The following CD38 variants were observed in gnomAD, a reference collection of about 807,000 sequenced individuals.
CD38 encodes CD38 molecule.
A neutral mutation model predicts 36.3 loss-of-function variants in CD38; 31 were observed. The observed-to-expected ratio is 0.85, with a 90% confidence interval of 0.64 to 1.15. CD38 has a LOEUF of 1.15. Among genes scored for constraint, CD38 ranks in the 50% most tolerant of loss-of-function variants. The probability of loss-of-function intolerance (pLI) is 0.00; values close to 1 mark genes in which losing one functional copy is unlikely to be tolerated. For missense variants in CD38, 380 were observed against 371.9 expected (o/e 1.02, Z -0.18); for synonymous variants, 131 against 135.2 (o/e 0.97, Z 0.22).
intron 2 of CD38, among the ~76,000 whole-genome samples, chr4:15,824,026 A>T (rs1344996743): frequency 1.3e-5 from 2 of 152,226 alleles, no homozygotes; most frequent in Non-Finnish European, 2.9e-5. Flanking sequence ...GCCAGAAGCC[A>T]CATCTTCAGC....
chr4:15,847,675 G>A (rs918932105), intron 7 of CD38, among the ~76,000 whole-genome samples: 1 of 139,542 alleles, frequency 7.2e-6, no homozygotes, highest in African/African-American at 2.8e-5. Context: ...TATGTTGCAT[G>A]GAGAAAATAG....
chr4:15,819,114 C>T (rs1405719176), intron 2 of CD38, among the ~76,000 whole-genome samples: 2 of 111,826 alleles, frequency 1.8e-5, no homozygotes, highest in Non-Finnish European at 4.8e-5. Context: ...CATGTTCTCA[C>T]TCATAAGTGG....
At position 15,852,210 on chromosome 4, in the gene CD38, T is replaced by G. The variant is rs1724402609; in HGVS notation, c.*3608T>G. 6.6e-6 allele frequency: 1 copy of G among 152,260 alleles called. No individual in the cohort carries two copies. 9.4% of individuals were successfully genotyped at this position (152,260 alleles called of 1,614,324 possible). A position where few individuals can be genotyped will look rare whatever the true frequency, so the allele number is the denominator to read the frequency against. On this transcript the variant is annotated 3_prime_UTR_variant, in exon 8 of 8. Transcript: ENST00000226279. ...TTTAGTGCCATGTCCACGTCTCTCA[T>G]GTAACTGGCAGAGCTATCAAATATT...
At chr4:15,805,547 T>C (rs542167427) in intron 1 of CD38, among the ~76,000 whole-genome samples, 2 of 152,346 alleles carry the variant, frequency 1.3e-5, no homozygotes, top group South Asian at 4.1e-4. Flanking sequence ...GTTTATTGTT[T>C]ATTGTCCGTC....
rs191923715 is a variant in CD38 at position 15,833,582 on chromosome 4, T to C, written c.500-635T>C. Among the ~76,000 whole-genome samples the C allele has an allele frequency of 4.7e-4, 72 of 152,252 alleles. 1 individual carries two copies. The East Asian group carries it at 0.01, about 22-fold the overall frequency. On this transcript the variant is annotated intron_variant, in intron 3 of 7. Transcript: ENST00000226279. Reference sequence around the variant, plus strand: ...CAAGACTCCTAGAATTACTATATCATGTGCTCTCTGAAGGCAAAGTTCCCA... The same window carrying C: ...CAAGACTCCTAGAATTACTATATCACGTGCTCTCTGAAGGCAAAGTTCCCA...
chr4:15,778,704 C>T lies in CD38; in HGVS notation c.233+57C>T. 1 of 1,246,240 alleles carries T rather than the reference C, an allele frequency of 8.0e-7. No homozygotes were observed. Among genetic ancestry groups the T allele is most frequent in the Non-Finnish European group, 1.2e-6 (1 of 867,710 alleles). The allele number at this position is 1,246,240 out of a possible 1,614,324, so 77.2% of individuals were successfully genotyped here. ...ACTGCGGGGACAGCAGGGCCCCGCGCGCAGGGAAGCCGCCCGGATCGCCCG... is the reference window on the plus strand; with the variant it reads ...ACTGCGGGGACAGCAGGGCCCCGCGTGCAGGGAAGCCGCCCGGATCGCCCG... On this transcript the variant is annotated intron_variant, in intron 1 of 7. Coordinates refer to ENST00000226279, the MANE Select transcript of CD38 (RefSeq NM_001775.4). The surrounding 1 kb of genome is among the most constrained non-coding windows in gnomAD (Gnocchi z 4.9).
At chr4:15,826,468 C>CAA (rs1263275892) in intron 3 of CD38, among the ~76,000 whole-genome samples, 1 of 150,892 alleles carries the variant, frequency 6.6e-6, no homozygotes, top group Non-Finnish European at 1.5e-5. Context: ...CGCACACACA[C>CAA]ACACACACAC....
At position 15,819,118 on chromosome 4, in the gene CD38, T is replaced by C. The variant is rs187120604; in HGVS notation, c.363+2478T>C. On this transcript the variant is annotated intron_variant, in intron 2 of 7. Transcript: ENST00000226279. The stretch of plus-strand genomic sequence containing the variant: ...ACCAAACACCACATGTTCTCACTCA[T>C]AAGTGGGAGTTGAACAGTGAGAACA... Among the ~76,000 whole-genome samples the C allele has an allele frequency of 4.5e-3, 686 of 152,060 alleles. 7 individuals are homozygous for C. Among genetic ancestry groups the C allele is most frequent in the African/African-American group, 0.016 (654 of 41,494 alleles).
chr4:15,787,561 C>T, intron 1 of CD38, among the ~76,000 whole-genome samples: 1 of 152,176 alleles, frequency 6.6e-6, no homozygotes, highest in African/African-American at 2.4e-5. Context: ...TCACTGGCCT[C>T]CTTTTAGGGA....
At chr4:15,836,198 TG>T (rs1724066832) in intron 4 of CD38, among the ~76,000 whole-genome samples, 1 of 152,202 alleles carries the variant, frequency 6.6e-6, no homozygotes, top group South Asian at 2.1e-4. Flanking sequence ...GCTGGATACT[TG>T]GGAAATCCAG....
chr4:15,809,148 T>G (rs1243491069), intron 1 of CD38, among the ~76,000 whole-genome samples: 1 of 152,224 alleles, frequency 6.6e-6, no homozygotes, highest in Admixed American at 6.5e-5. Context: ...ACTTGGTAAA[T>G]GCTAATTGTT....
intron 2 of CD38, among the ~76,000 whole-genome samples, chr4:15,821,959 CTG>C (rs1040927869): frequency 6.6e-6 from 1 of 152,074 alleles, no homozygotes; most frequent in Non-Finnish European, 1.5e-5. Flanking sequence ...TACTGGCAAA[CTG>C]AATCCAGCAG....
rs1724370877 is a variant in CD38, at chr4:15,851,003, A to C, written c.*2401A>C. ...CCAAACAAGAAATCAAAATATTAGA[A>C]ATCAATTTTTGAAATTTCCCCTAGG... On this transcript the variant is annotated 3_prime_UTR_variant, in exon 8 of 8. Coordinates refer to ENST00000226279, the MANE Select transcript of CD38 (RefSeq NM_001775.4). 1 of 152,160 alleles carries C rather than the reference A, an allele frequency of 6.6e-6. No homozygotes were observed. 9.4% of individuals were successfully genotyped at this position (152,160 alleles called of 1,614,324 possible).
chr4:15,810,243 T>C (rs1385034150), intron 1 of CD38, among the ~76,000 whole-genome samples: 1 of 152,182 alleles, frequency 6.6e-6, no homozygotes, highest in African/African-American at 2.4e-5. Context: ...ATAAAAATAA[T>C]TCTGGAGGTG....
At chr4:15,817,442 C>G (rs1463698239) in intron 2 of CD38, among the ~76,000 whole-genome samples, 1 of 152,264 alleles carries the variant, frequency 6.6e-6, no homozygotes, top group Admixed American at 6.5e-5. Context: ...TCTCCATTCA[C>G]TAGGCGTGAT....
chr4:15,808,947 C>CT (rs952655316), intron 1 of CD38, among the ~76,000 whole-genome samples: 2 of 152,096 alleles, frequency 1.3e-5, no homozygotes, highest in African/African-American at 4.8e-5. Flanking sequence ...GGTGAAGTGT[C>CT]TAGGGGTATG....
intron 1 of CD38, among the ~76,000 whole-genome samples, chr4:15,784,243 C>G (rs1444165654): frequency 6.6e-6 from 1 of 152,174 alleles, no homozygotes; most frequent in Non-Finnish European, 1.5e-5. Context: ...GGAGTACCAG[C>G]ACAATGCCAT....
chr4:15,793,918 AGAGAAAGACT>A (rs1314123876), intron 1 of CD38, among the ~76,000 whole-genome samples: 1 of 152,264 alleles, frequency 6.6e-6, no homozygotes, highest in Non-Finnish European at 1.5e-5. Context: ...TTTATCAGAA[AGAGAAAGACT>A]GTGGTAAAGC....
chr4:15,835,966 TA>T (rs1203127005), intron 4 of CD38, among the ~76,000 whole-genome samples: 1 of 151,932 alleles, frequency 6.6e-6, no homozygotes, highest in African/African-American at 2.4e-5. Flanking sequence ...TCAAGTGTGT[TA>T]GGGAAAAAAA....
Sources: allele counts gnomAD v4.1 joint callset (sites outside exome capture counted in the v4.1 genomes callset), GRCh38; gene constraint gnomAD v4.1.1; non-coding constraint Gnocchi (gnomAD v3.1); transcripts MANE v1.5; gene names NCBI Gene and HGNC (gene_info 2026-07-23, HGNC 2026-07-21).